Variants in SLC45A4 observed in about 807,000 individuals in gnomAD.
SLC45A4 encodes the protein polyamine-transporter SLC45A4.
In SLC45A4, 32 loss-of-function variants were observed where a neutral mutation model predicts 63.7. The observed-to-expected ratio is 0.50, with a 90% CI of 0.38 to 0.67. SLC45A4 has a LOEUF of 0.67. SLC45A4 is among the 30% of genes least tolerant of loss of function. The pLI, the probability that SLC45A4 is intolerant of heterozygous loss-of-function variation, is 0.00. For synonymous variants in SLC45A4, 535 were observed against 510.0 expected, an observed-to-expected ratio of 1.05 and a Z score of -0.66; for missense variants, 1,027 against 1,157.7, an observed-to-expected ratio of 0.89 and a Z score of 1.64.
At chr8:141,238,056 C>T (rs1016875781) in intron 2 of SLC45A4, among the ~76,000 whole-genome samples, 1 of 152,226 alleles carries the variant, frequency 6.6e-6, no homozygotes, top group Non-Finnish European at 1.5e-5. Flanking sequence ...GAATGCTGTC[C>T]AGCCCACATA....
chr8:141,289,850 A>G (rs1830281781), intron 1 of SLC45A4, among the ~76,000 whole-genome samples: 1 of 151,950 alleles, frequency 6.6e-6, no homozygotes, highest in African/African-American at 2.4e-5. Context: ...CAGCACTAGG[A>G]GCCCACCAAG....
intron 2 of SLC45A4, among the ~76,000 whole-genome samples, chr8:141,243,152 G>A (rs1448262960): frequency 2.6e-5 from 4 of 152,152 alleles, no homozygotes; most frequent in Non-Finnish European, 5.9e-5. Context: ...CCTCCCCACC[G>A]GGCCACCAGA....
intron 1 of SLC45A4, among the ~76,000 whole-genome samples, chr8:141,258,144 C>T (rs1289139294): frequency 1.3e-5 from 2 of 150,308 alleles, no homozygotes; most frequent in Admixed American, 1.3e-4. Context: ...TAAATCCCAG[C>T]TCTGCGCTGG....
rs564016568 is a variant in SLC45A4 at position 141,301,734 on chromosome 8, CAAAAAAAAAAA to C, written c.-401+6351_-401+6361del. ...TGGGGGACAGAATGAGACCCTATCT[CAAAAAAAAAAA>C]AAAAAAAAAAAAAAAAATCCTGGGC... On this transcript the variant is annotated intron_variant, in intron 1 of 8. Coordinates refer to ENST00000517878, the MANE Select transcript of SLC45A4 (RefSeq NM_001286646.2). 3.0e-4 allele frequency among the ~76,000 whole-genome samples: 12 copies of C among 39,584 alleles called. 1 individual carries two copies. The highest frequency in any genetic ancestry group is 2.3e-3 in the East Asian group (4 of 1,754). 26.0% of individuals were successfully genotyped at this position (39,584 alleles called of 152,430 possible). A position where few individuals can be genotyped will look rare whatever the true frequency, so the allele number is the denominator to read the frequency against.
intron 2 of SLC45A4, chr8:141,228,180 T>G: frequency 6.2e-7 from 1 of 1,614,030 alleles, no homozygotes; most frequent in Admixed American, 1.7e-5. Context: ...CATTCTAACC[T>G]TTCTGAAGAC....
intron 2 of SLC45A4, among the ~76,000 whole-genome samples, chr8:141,224,053 T>C (rs1171572558): frequency 1.3e-5 from 2 of 151,698 alleles, no homozygotes. Context: ...TGACGACAAA[T>C]GCTCTTGGAT....
At chr8:141,283,996 A>G (rs1044366441) in intron 1 of SLC45A4, among the ~76,000 whole-genome samples, 1 of 152,208 alleles carries the variant, frequency 6.6e-6, no homozygotes, top group Non-Finnish European at 1.5e-5. Flanking sequence ...TGAGACGCAA[A>G]GTCTTCCTGC....
rs114575501 is a variant in SLC45A4 at position 141,214,971 on chromosome 8, C to T, written c.1941+788G>A. Among the ~76,000 whole-genome samples, 1,140 of 152,302 alleles carry T rather than the reference C, an allele frequency of 7.5e-3. 20 individuals are homozygous for T. Among genetic ancestry groups the T allele is most frequent in the African/African-American group, 0.026 (1,092 of 41,554 alleles). ...AACAGGAGGTGTTTGTGGCAAGGGA[C>T]GTTCATGCAGTGCTACCTGTGACGG... On this transcript the variant is annotated intron_variant, in intron 7 of 8. Transcript: ENST00000517878.
chr8:141,253,498 G>A (rs918192803), intron 2 of SLC45A4, among the ~76,000 whole-genome samples: 1 of 152,232 alleles, frequency 6.6e-6, no homozygotes, highest in African/African-American at 2.4e-5. Context: ...CCACAGCCAG[G>A]CACTGTTCTA....
At chr8:141,225,803 C>T (rs1195504756) in intron 2 of SLC45A4, 2 of 152,640 alleles carry the variant, frequency 1.3e-5, no homozygotes, top group African/African-American at 4.8e-5. Context: ...GTCCCACAGG[C>T]CCCTCCAGAG....
rs148024287 is a variant in SLC45A4, at chr8:141,219,850, G to T, written c.431-21C>A. 1.6e-3 allele frequency: 2,502 copies of T among 1,535,816 alleles called. 44 individuals carry two copies. The African/African-American group carries it at 0.031, about 19-fold the overall frequency. ...CAGACCTGCGCAGAGCACACGGGAG[G>T]GCGGTCAGGTCCTCAAGCACTGGCC... is the stretch of plus-strand genomic sequence containing the variant. On this transcript the variant is annotated intron_variant, in intron 3 of 8. Transcript: ENST00000517878.
At position 141,211,430 on chromosome 8, in the gene SLC45A4, C is replaced by T. The variant is rs764847629; in HGVS notation, c.*142G>A. 2.6e-6 allele frequency: 4 copies of T among 1,560,668 alleles called. No homozygotes were observed. The highest frequency in any genetic ancestry group is 3.5e-6 in the Non-Finnish European group (4 of 1,154,358). On this transcript the variant is annotated 3_prime_UTR_variant, in exon 9 of 9. Coordinates refer to ENST00000517878, the MANE Select transcript of SLC45A4 (RefSeq NM_001286646.2). Reference sequence around the variant, plus strand: ...ATCCCTGGGCAGGGTGTCTGGGAGCCACCCCTGCAAATCACTGTCTTCTGC... The same window carrying T: ...ATCCCTGGGCAGGGTGTCTGGGAGCTACCCCTGCAAATCACTGTCTTCTGC...
intron 1 of SLC45A4, among the ~76,000 whole-genome samples, chr8:141,281,995 C>G (rs1034939844): frequency 6.6e-6 from 1 of 152,168 alleles, no homozygotes; most frequent in African/African-American, 2.4e-5. Context: ...AACGCCAGGA[C>G]GCATGGTTGG....
At chr8:141,277,200 C>G (rs1241508362) in intron 1 of SLC45A4, among the ~76,000 whole-genome samples, 1 of 152,254 alleles carries the variant, frequency 6.6e-6, no homozygotes, top group African/African-American at 2.4e-5. Flanking sequence ...TTGTCTGCAT[C>G]CTGTGACACT....
intron 1 of SLC45A4, among the ~76,000 whole-genome samples, chr8:141,260,915 A>T (rs1288079285): frequency 6.6e-6 from 1 of 152,260 alleles, no homozygotes; most frequent in African/African-American, 2.4e-5. Flanking sequence ...TGGCAGAGAC[A>T]GAACCAAAAA....
chr8:141,217,744 G>A (rs576622935), intron 5 of SLC45A4, among the ~76,000 whole-genome samples: 24 of 152,316 alleles, frequency 1.6e-4, no homozygotes, highest in African/African-American at 5.3e-4. Context: ...CAGACACCCC[G>A]TTCACACCAG....
In SLC45A4 at chr8:141,215,655, CT is replaced by C; in HGVS notation, c.1941+103del. ...AGAACCGGAGAGGAAGGAGGGCCAT[CT>C]GTGTCGTGAACGTCCCCCCGGGGAA... is the stretch of plus-strand genomic sequence containing the variant. On this transcript the variant is annotated intron_variant, in intron 7 of 8. Transcript: ENST00000517878. This position sits in a 1 kb window ranked among gnomAD's most constrained non-coding sequence, Gnocchi z 4.3. 8.5e-7 allele frequency: 1 copy of C among 1,179,314 alleles called. No individual in the cohort carries two copies. Among genetic ancestry groups the C allele is most frequent in the Non-Finnish European group, 1.2e-6 (1 of 818,148 alleles). The allele number at this position is 1,179,314 out of a possible 1,614,324, so 73.1% of individuals were successfully genotyped here.
chr8:141,248,691 C>T (rs1455329662), intron 2 of SLC45A4, among the ~76,000 whole-genome samples: 1 of 151,944 alleles, frequency 6.6e-6, no homozygotes, highest in African/African-American at 2.4e-5. Context: ...CATAGCAAAA[C>T]CTCGTCTCAA....
At chr8:141,223,474 G>A (rs10112337) in intron 2 of SLC45A4, among the ~76,000 whole-genome samples, 96,638 of 152,144 alleles carry the variant, frequency 0.64, 31,126 homozygotes, top group East Asian at 0.79. Context: ...AGAATGGGAA[G>A]CGGTCATTAC....
Sources: gnomAD v4.1 joint callset for allele counts (sites outside exome capture counted in the v4.1 genomes callset) on GRCh38, gnomAD v4.1.1 for gene constraint, Gnocchi (gnomAD v3.1) non-coding constraint, MANE v1.5 for transcripts, NCBI Gene and HGNC (gene_info 2026-07-23, HGNC 2026-07-21) for gene names.